The following EVI5 variants were observed in gnomAD, a reference collection of about 807,000 sequenced individuals.
EVI5 encodes ecotropic viral integration site 5.
Under a neutral mutation model 112.0 loss-of-function variants are expected in EVI5, and 73 were observed. The ratio of observed to expected loss-of-function variants is 0.65; its 90% CI spans 0.54 to 0.79. The LOEUF (loss-of-function observed/expected upper bound fraction) is 0.79, where lower values mean the gene tolerates loss of function less well. EVI5 is among the 30% of genes least tolerant of loss of function. The pLI, the probability that EVI5 is intolerant of heterozygous loss-of-function variation, is 0.00. For missense variants in EVI5, 900 were observed against 968.8 expected (o/e 0.93, Z 0.94); for synonymous variants, 305 against 319.9 (o/e 0.95, Z 0.50).
chr1:92,722,713 T>C (rs1674955521), intron 2 of EVI5, among the ~76,000 whole-genome samples: 1 of 152,180 alleles, frequency 6.6e-6, no homozygotes, highest in Non-Finnish European at 1.5e-5. Context: ...CCTCTTCTAA[T>C]TTCATCTTAT....
chr1:92,581,780 T>G (rs539639627), intron 18 of EVI5, among the ~76,000 whole-genome samples: 3 of 22,800 alleles, frequency 1.3e-4, no homozygotes, highest in Non-Finnish European at 2.3e-4. Context: ...GCAACATTTA[T>G]TTAAATAAAG....
At position 92,639,400 on chromosome 1, in the gene EVI5, T is replaced by TA. The variant is rs575584703; in HGVS notation, c.1393-3065dup. Among the ~76,000 whole-genome samples the TA allele has an allele frequency of 4.6e-5, 7 of 151,118 alleles. No homozygotes were observed. The South Asian group carries it at 6.3e-4, about 14-fold the overall frequency. The stretch of plus-strand genomic sequence containing the variant: ...TATTGGGGGAAGTTTCTCATATTAT[T>TA]AAAAAAAATTTCAATATTTGAAGGA... On this transcript the variant is annotated intron_variant, in intron 13 of 19. Coordinates refer to ENST00000684568, the MANE Select transcript of EVI5 (RefSeq NM_001350197.2).
rs373407635 is a variant in EVI5 at position 92,705,129 on chromosome 1, C to T, written c.150-385G>A. ...ATCTATGAAATAACCAATCCTAAAACGTTTACAATGTGTCTAAGGCTTAAA... is the reference window on the plus strand; with the variant it reads ...ATCTATGAAATAACCAATCCTAAAATGTTTACAATGTGTCTAAGGCTTAAA... On this transcript the variant is annotated intron_variant, in intron 2 of 19. Transcript: ENST00000684568. 9.9e-4 allele frequency among the ~76,000 whole-genome samples: 150 copies of T among 152,208 alleles called. 2 individuals are homozygous for T. In the South Asian group the frequency reaches 0.011, roughly 12 times the overall value.
intron 1 of EVI5, among the ~76,000 whole-genome samples, chr1:92,782,542 A>G (rs1485979279): frequency 1.3e-5 from 2 of 152,208 alleles, no homozygotes; most frequent in Admixed American, 1.3e-4. Context: ...AAAATGCAAA[A>G]TGAAACCACA....
At position 92,510,830 on chromosome 1, in the gene EVI5, A is replaced by G. The variant is rs1450341391; in HGVS notation, c.*2826T>C. The G allele has an allele frequency of 4.6e-5, 7 of 152,254 alleles. 1 individual carries two copies. The East Asian group carries it at 1.3e-3, about 29-fold the overall frequency. The allele number at this position is 152,254 out of a possible 1,614,324, so 9.4% of individuals were successfully genotyped here. On this transcript the variant is annotated 3_prime_UTR_variant, in exon 20 of 20. Coordinates refer to ENST00000684568, the MANE Select transcript of EVI5 (RefSeq NM_001350197.2). Reference sequence around the variant, plus strand: ...GGAATTTTTTTCCCAACTATTTAAAAAAGTAAAAACTGGCAGCTGACTGCA... The same window carrying G: ...GGAATTTTTTTCCCAACTATTTAAAGAAGTAAAAACTGGCAGCTGACTGCA...
chr1:92,773,704 T>C (rs544331874), intron 1 of EVI5, among the ~76,000 whole-genome samples: 1 of 152,298 alleles, frequency 6.6e-6, no homozygotes, highest in African/African-American at 2.4e-5. Context: ...ATAGGAATGA[T>C]TCACATAGGT....
rs138283930 is a variant in EVI5 at position 92,675,141 on chromosome 1, G to A, written c.1158+2017C>T. On this transcript the variant is annotated intron_variant, in intron 10 of 19. Coordinates refer to ENST00000684568, the MANE Select transcript of EVI5 (RefSeq NM_001350197.2). ...GTGGATCGCCTGCACTCAGGAGTTC[G>A]AGACCAGCCTGGGCAACATGGTGAA... is the stretch of plus-strand genomic sequence containing the variant. 4.2e-4 allele frequency among the ~76,000 whole-genome samples: 64 copies of A among 152,306 alleles called. 1 individual carries two copies. In the East Asian group the frequency reaches 5.6e-3, roughly 13 times the overall value.
chr1:92,736,731 T>C (rs1245130308), intron 1 of EVI5, 104 bp from the exon 2 acceptor site: 3 of 815,928 alleles, frequency 3.7e-6, no homozygotes, highest in Non-Finnish European at 4.1e-6. Flanking sequence ...CATCAGAATA[T>C]TCTCTTTGAG....
chr1:92,771,017 T>A (rs769350418), intron 1 of EVI5, among the ~76,000 whole-genome samples: 1 of 151,686 alleles, frequency 6.6e-6, no homozygotes, highest in African/African-American at 2.4e-5. Flanking sequence ...GGTTTCACCA[T>A]GTTGCCCAGG....
chr1:92,627,169 C>G (rs985203632), intron 14 of EVI5, among the ~76,000 whole-genome samples: 25 of 152,210 alleles, frequency 1.6e-4, no homozygotes, highest in African/African-American at 5.8e-4. Context: ...TCCCCTCCCA[C>G]TCTTCCCCAC....
At chr1:92,641,873 C>T (rs1660044165) in intron 13 of EVI5, among the ~76,000 whole-genome samples, 1 of 152,152 alleles carries the variant, frequency 6.6e-6, no homozygotes, top group African/African-American at 2.4e-5. Flanking sequence ...TGCACGGTGG[C>T]TCACGCCTGT....
intron 1 of EVI5, among the ~76,000 whole-genome samples, chr1:92,751,149 C>CA (rs1300544159): frequency 4.6e-5 from 7 of 151,278 alleles, no homozygotes; most frequent in South Asian, 2.1e-4. Context: ...GACTCCCTCT[C>CA]AAAAAAAATA....
chr1:92,760,807 A>G (rs895623004), intron 1 of EVI5, among the ~76,000 whole-genome samples: 2 of 151,868 alleles, frequency 1.3e-5, no homozygotes, highest in African/African-American at 4.8e-5. Context: ...CTGTAATCCC[A>G]GCACTTTGGG....
At chr1:92,551,040 C>CTTTTTTTTTTTTTTTTTTTTTT (rs55898086) in intron 19 of EVI5, among the ~76,000 whole-genome samples, 8 of 80,700 alleles carry the variant, frequency 9.9e-5, no homozygotes, top group Non-Finnish European at 1.1e-4. Context: ...TTCTTTCTTT[C>CTTTTTTTTTTTTTTTTTTTTTT]TTTTTTTTTT....
At chr1:92,532,011 G>A (rs567859088) in intron 19 of EVI5, among the ~76,000 whole-genome samples, 1 of 152,192 alleles carries the variant, frequency 6.6e-6, no homozygotes, top group Admixed American at 6.5e-5. Flanking sequence ...AGAGAGGCAA[G>A]ACCCATCAGT....
chr1:92,631,461 T>G (rs1657085690), intron 14 of EVI5, among the ~76,000 whole-genome samples: 1 of 152,232 alleles, frequency 6.6e-6, no homozygotes, highest in Admixed American at 6.5e-5. Context: ...GGGAATTCAC[T>G]CATGATTTGG....
At chr1:92,680,644 G>C (rs1667435638) in intron 9 of EVI5, among the ~76,000 whole-genome samples, 2 of 152,072 alleles carry the variant, frequency 1.3e-5, no homozygotes, top group African/African-American at 4.8e-5. Flanking sequence ...TACAAAAGGG[G>C]AAATAATAAC....
intron 2 of EVI5, among the ~76,000 whole-genome samples, chr1:92,718,485 T>C (rs1455089115): frequency 3.9e-5 from 6 of 152,190 alleles, no homozygotes; most frequent in African/African-American, 1.4e-4. Flanking sequence ...AGATGTTCTT[T>C]GAAACCAATG....
At chr1:92,710,348 G>T (rs554935219) in intron 2 of EVI5, among the ~76,000 whole-genome samples, 1 of 151,046 alleles carries the variant, frequency 6.6e-6, no homozygotes, top group Non-Finnish European at 1.5e-5. Context: ...ATCCTGTCTC[G>T]AAAAAAAAGC....
Sources: gnomAD v4.1 joint callset for allele counts (sites outside exome capture counted in the v4.1 genomes callset) on GRCh38, gnomAD v4.1.1 for gene constraint, MANE v1.5 for transcripts, NCBI Gene and HGNC (gene_info 2026-07-23, HGNC 2026-07-21) for gene names.